Variants in NEBL observed in about 807,000 individuals in gnomAD.
NEBL encodes LIM and SH3 protein 2.
In NEBL, 122 loss-of-function variants were observed where a neutral mutation model predicts 140.2. The observed-to-expected ratio is 0.87, with a 90% CI of 0.75 to 1.01. The LOEUF (loss-of-function observed/expected upper bound fraction) is 1.01. Ranked by LOEUF, NEBL falls within the 50% of genes least tolerant of loss-of-function variation. NEBL has a pLI of 0.00. For synonymous variants in NEBL, 436 were observed against 398.9 expected, an observed-to-expected ratio of 1.09 and a Z score of -1.11; for missense variants, 1,365 against 1,231.3, an observed-to-expected ratio of 1.11 and a Z score of -1.62.
intron 2 of NEBL, among the ~76,000 whole-genome samples, chr10:21,099,333 G>C (rs889132790): frequency 1.3e-5 from 2 of 152,050 alleles, no homozygotes; most frequent in Non-Finnish European, 2.9e-5. Context: ...TGCTCAGCTT[G>C]CTTCCCTCCT....
At chr10:21,194,434 G>A (rs539890830) in intron 3 of NEBL, among the ~76,000 whole-genome samples, 1 of 152,222 alleles carries the variant, frequency 6.6e-6, no homozygotes, top group South Asian at 2.1e-4. Context: ...TAGAGACTTT[G>A]ACTATCTAAC....
upstream of NEBL, chr10:21,175,090 G>T (rs1277213773): frequency 6.6e-6 from 1 of 152,192 alleles, no homozygotes; most frequent in African/African-American, 2.4e-5. Context: ...AAAGGGAACA[G>T]GAATCGTTTC....
intron 2 of NEBL, among the ~76,000 whole-genome samples, chr10:21,088,934 C>A (rs959380800): frequency 1.3e-5 from 2 of 152,122 alleles, no homozygotes; most frequent in East Asian, 3.9e-4. Context: ...AGTTAATGAA[C>A]CACGCGAGGC....
At chr10:21,175,545 A>G (rs1323874174), upstream of NEBL, among the ~76,000 whole-genome samples, 2 of 152,240 alleles carry the variant, frequency 1.3e-5, no homozygotes, top group Admixed American at 6.5e-5. Flanking sequence ...AAAGAAAACC[A>G]TTGGTTTCTG....
chr10:21,202,329 T>G lies in NEBL; in HGVS notation n.349-29852A>C, dbSNP rs201809679. ...TTTTGTGAGATAAAAAAAGATCTCCTAAAAGTTCCTGTTACATTCTCTGTG... is the reference window on the plus strand; with the variant it reads ...TTTTGTGAGATAAAAAAAGATCTCCGAAAAGTTCCTGTTACATTCTCTGTG... On this transcript the variant is annotated intron_variant and non_coding_transcript_variant, in intron 3 of 8. Coordinates refer to the NEBL transcript ENST00000675702. Among the ~76,000 whole-genome samples, 288 of 152,252 alleles carry G rather than the reference T, an allele frequency of 1.9e-3. 1 individual carries two copies. The highest frequency in any genetic ancestry group is 3.3e-3 in the Non-Finnish European group (226 of 68,002).
At chr10:21,221,361 G>T (rs1262758189) in intron 3 of NEBL, among the ~76,000 whole-genome samples, 1 of 152,092 alleles carries the variant, frequency 6.6e-6, no homozygotes, top group East Asian at 1.9e-4. Flanking sequence ...AATGTGCGAG[G>T]CTACTCTGAT....
chr10:21,122,249 C>T (rs1395951638), intron 2 of NEBL, among the ~76,000 whole-genome samples: 1 of 152,076 alleles, frequency 6.6e-6, no homozygotes, highest in Non-Finnish European at 1.5e-5. Context: ...TGGTCTCAAA[C>T]TCCTGACTTC....
chr10:20,910,216 T>G (rs1848272810), intron 4 of NEBL, among the ~76,000 whole-genome samples: 1 of 152,186 alleles, frequency 6.6e-6, no homozygotes, highest in Non-Finnish European at 1.5e-5. Context: ...AAATTGTCAT[T>G]TTCAGCTCAA....
rs559055096 is a variant in NEBL, at chr10:20,987,613, C to G, written c.250-25834G>C. On this transcript the variant is annotated intron_variant, in intron 3 of 6. Transcript: ENST00000417816. ...ATGGTGCCAATAGCTGTGCTGCCTC[C>G]CAAATCTATTTCAAGCATCTCAGTC... Among the ~76,000 whole-genome samples the G allele has an allele frequency of 3.9e-5, 6 of 152,226 alleles. No homozygotes were observed. The East Asian group carries it at 1.2e-3, about 29-fold the overall frequency.
chr10:20,817,270 G>C (rs1838810405), intron 21 of NEBL, among the ~76,000 whole-genome samples: 1 of 152,168 alleles, frequency 6.6e-6, no homozygotes, highest in Non-Finnish European at 1.5e-5. Flanking sequence ...GGGAGGTTGA[G>C]CTGGGAGGAT....
At chr10:21,205,622 C>T (rs1437967460) in intron 3 of NEBL, among the ~76,000 whole-genome samples, 5 of 151,922 alleles carry the variant, frequency 3.3e-5, no homozygotes, top group African/African-American at 1.2e-4. Context: ...AGAATATATA[C>T]CAATATATTA....
chr10:20,969,306 T>C (rs781216566), intron 3 of NEBL, among the ~76,000 whole-genome samples: 45 of 151,986 alleles, frequency 3.0e-4, no homozygotes, highest in Admixed American at 1.5e-3. Context: ...ATAATTACCT[T>C]TTTAAACATA....
At chr10:21,221,480 A>G (rs772357777) in intron 3 of NEBL, among the ~76,000 whole-genome samples, 1 of 151,148 alleles carries the variant, frequency 6.6e-6, no homozygotes, top group Non-Finnish European at 1.5e-5. Flanking sequence ...CCTATTCTAC[A>G]AGAAAAACAG....
intron 2 of NEBL, among the ~76,000 whole-genome samples, chr10:21,161,579 T>A (rs1034302699): frequency 1.3e-5 from 2 of 152,016 alleles, no homozygotes; most frequent in Admixed American, 1.3e-4. Context: ...AAAAACAAAA[T>A]CTAGAGAGTT....
At chr10:21,039,650 G>A (rs1834178764) in intron 2 of NEBL, among the ~76,000 whole-genome samples, 1 of 152,154 alleles carries the variant, frequency 6.6e-6, no homozygotes, top group African/African-American at 2.4e-5. Flanking sequence ...TTAAAACTTT[G>A]ATTGGAGCCC....
chr10:21,250,790 C>A (rs1242624073), intron 2 of NEBL, among the ~76,000 whole-genome samples: 2 of 151,972 alleles, frequency 1.3e-5, no homozygotes, highest in East Asian at 1.9e-4. Context: ...TGGTAGGCAA[C>A]TGTGAGGCAG....
chr10:20,818,709 T>C, intron 20 of NEBL: 11 of 835,646 alleles, frequency 1.3e-5, no homozygotes, highest in Non-Finnish European at 1.6e-5. Context: ...CTTACCCATC[T>C]TTGTGTCTGG....
intron 2 of NEBL, among the ~76,000 whole-genome samples, chr10:21,042,311 A>G (rs1398269922): frequency 1.3e-5 from 2 of 152,162 alleles, no homozygotes; most frequent in Non-Finnish European, 2.9e-5. Context: ...GGATCCAAAA[A>G]TCTAACACAG....
intron 2 of NEBL, among the ~76,000 whole-genome samples, chr10:21,060,770 G>A (rs1028474647): frequency 1.3e-5 from 2 of 151,572 alleles, no homozygotes; most frequent in South Asian, 2.1e-4. Context: ...AAGCTGAAAC[G>A]ACTCACTCCA....
Sources: gnomAD v4.1 joint callset for allele counts (sites outside exome capture counted in the v4.1 genomes callset) on GRCh38, gnomAD v4.1.1 for gene constraint, MANE v1.5 for transcripts, NCBI Gene and HGNC (gene_info 2026-07-23, HGNC 2026-07-21) for gene names.